The following CCDC83 variants were observed in gnomAD, a reference collection of about 807,000 sequenced individuals.
The protein encoded by CCDC83 is coiled-coil domain containing 83.
A neutral mutation model predicts 50.1 loss-of-function variants in CCDC83; 54 were observed. That is an observed-to-expected ratio of 1.08 (90% CI 0.87 to 1.35). CCDC83 has a LOEUF of 1.35. Among genes scored for constraint, CCDC83 ranks in the 40% most tolerant of loss-of-function variants. CCDC83 has a pLI of 0.00. For synonymous variants in CCDC83, 161 were observed against 153.3 expected, an observed-to-expected ratio of 1.05 and a Z score of -0.37; for missense variants, 518 against 473.9, an observed-to-expected ratio of 1.09 and a Z score of -0.86.
At chr11:85,859,190 A>G (rs2093161150) in intron 1 of CCDC83, among the ~76,000 whole-genome samples, 1 of 149,720 alleles carries the variant, frequency 6.7e-6, no homozygotes, top group African/African-American at 2.5e-5. Flanking sequence ...ACCCCTAGGA[A>G]TACAGCTTAC....
At chr11:85,856,837 T>G (rs997265242) in intron 1 of CCDC83, among the ~76,000 whole-genome samples, 1 of 152,248 alleles carries the variant, frequency 6.6e-6, no homozygotes, top group Non-Finnish European at 1.5e-5. Flanking sequence ...CGGTCTCAAT[T>G]TTTAAAATTA....
At position 85,911,405 on chromosome 11, in the gene CCDC83, G is replaced by T. The variant is rs1385582160; in HGVS notation, c.794+3G>T. ...CTTGTGGATCTCAAGATACCCAGGT[G>T]AAAATTGTTAATATATAGAGAGTAT... On this transcript the variant is annotated splice_donor_region_variant and intron_variant, in intron 8 of 10. Transcript: ENST00000342404. 6.3e-7 allele frequency: 1 copy of T among 1,581,128 alleles called. No individual in the cohort carries two copies. Among genetic ancestry groups the T allele is most frequent in the African/African-American group, 1.4e-5 (1 of 73,288 alleles).
At chr11:85,875,008 A>C (rs1223892836) in intron 3 of CCDC83, among the ~76,000 whole-genome samples, 1 of 152,174 alleles carries the variant, frequency 6.6e-6, no homozygotes, top group Non-Finnish European at 1.5e-5. Context: ...AGACATGCGA[A>C]GAGTGAGCAA....
chr11:85,899,934 A>G (rs1033936971), intron 7 of CCDC83, among the ~76,000 whole-genome samples: 1 of 152,240 alleles, frequency 6.6e-6, no homozygotes. Context: ...AATTATAAAA[A>G]TACAAAAAGA....
At chr11:85,901,417 A>G (rs1473903175) in intron 7 of CCDC83, among the ~76,000 whole-genome samples, 1 of 151,906 alleles carries the variant, frequency 6.6e-6, no homozygotes, top group Non-Finnish European at 1.5e-5. Context: ...TACAAAAAAT[A>G]GAAAAGTTAA....
chr11:85,896,490 A>G (rs113451646), intron 6 of CCDC83, among the ~76,000 whole-genome samples: 28 of 151,986 alleles, frequency 1.8e-4, no homozygotes, highest in Admixed American at 1.6e-3. Flanking sequence ...GCTTAAAGGA[A>G]ATGTTCTTTG....
chr11:85,891,196 A>C (rs1235533981), intron 5 of CCDC83, among the ~76,000 whole-genome samples: 1 of 152,096 alleles, frequency 6.6e-6, no homozygotes, highest in Non-Finnish European at 1.5e-5. Context: ...GCCCATTTCT[A>C]AAGACATCTG....
chr11:85,892,406 A>G (rs1250969981), intron 5 of CCDC83, among the ~76,000 whole-genome samples: 1 of 152,312 alleles, frequency 6.6e-6, no homozygotes, highest in African/African-American at 2.4e-5. Context: ...GAGGCTAACA[A>G]TGAGATTCTC....
At chr11:85,875,072 G>T (rs2093261302) in intron 3 of CCDC83, among the ~76,000 whole-genome samples, 1 of 152,194 alleles carries the variant, frequency 6.6e-6, no homozygotes, top group African/African-American at 2.4e-5. Flanking sequence ...GGGGATGCAG[G>T]GGTGGTCCCC....
chr11:85,856,184 C>CA (rs370054964), intron 1 of CCDC83, among the ~76,000 whole-genome samples: 5,648 of 94,510 alleles, frequency 0.06, 138 homozygotes, highest in Non-Finnish European at 0.065. Context: ...CTATCTAAGC[C>CA]AAAAAAAAAA....
At chr11:85,882,124 C>T (rs963812081) in intron 3 of CCDC83, among the ~76,000 whole-genome samples, 2 of 147,726 alleles carry the variant, frequency 1.4e-5, no homozygotes, top group African/African-American at 4.9e-5. Flanking sequence ...GACCTCATCT[C>T]TAAAAAAACA....
chr11:85,913,648 G>A lies in CCDC83; in HGVS notation c.795-1771G>A, dbSNP rs530962991. ...TTTGGATGAGGAATGGGATATTGTG[G>A]TTAATAGAGTTACCACATTTCCTAT... On this transcript the variant is annotated intron_variant, in intron 8 of 10. Transcript: ENST00000342404. Among the ~76,000 whole-genome samples the A allele has an allele frequency of 5.3e-5, 8 of 152,286 alleles. No individual in the cohort carries two copies. In the East Asian group the frequency reaches 1.3e-3, roughly 26 times the overall value.
At position 85,918,219 on chromosome 11, in the gene CCDC83, T is replaced by C. The variant is rs3824955; in HGVS notation, c.1081-1130T>C. Among the ~76,000 whole-genome samples the C allele has an allele frequency of 4.2e-3, 637 of 152,256 alleles. 4 individuals carry two copies. Among genetic ancestry groups the C allele is most frequent in the South Asian group, 0.013 (62 of 4,828 alleles). On this transcript the variant is annotated intron_variant, in intron 10 of 10. Coordinates refer to ENST00000342404, the MANE Select transcript of CCDC83 (RefSeq NM_001286159.2). ...AGGGAGAGAACAGCAAGAAATGAAA[T>C]CTCAAATATGCCTATACAGCAGGCC...
intron 8 of CCDC83, among the ~76,000 whole-genome samples, chr11:85,914,196 C>T (rs1304290644): frequency 1.3e-5 from 2 of 152,128 alleles, no homozygotes; most frequent in African/African-American, 2.4e-5. Flanking sequence ...ATCTGGATAA[C>T]ACTTTATTCA....
rs749532676 is a variant in CCDC83, at chr11:85,882,597, G to A, written c.265G>A (p.Val89Ile). 8.1e-6 allele frequency: 13 copies of A among 1,613,870 alleles called. No homozygotes were observed. Among genetic ancestry groups the A allele is most frequent in the South Asian group, 2.2e-5 (2 of 91,076 alleles). ...LSEEKAEGLP[V>I]VTREDVEEAM... ...TGAAGAGAAGGCAGAGGGATTGCCA[G>A]TTGTAACAAGAGAGGATGTTGAAGA... Residue 89 changes from valine to isoleucine, a missense_variant, in exon 4 of 11, where the codon GTT becomes ATT. Val to Ile is a conservative substitution (Grantham distance 29, BLOSUM62 3). Coordinates refer to ENST00000342404, the MANE Select transcript of CCDC83 (RefSeq NM_001286159.2).
At chr11:85,909,780 T>C (rs17148585) in intron 7 of CCDC83, among the ~76,000 whole-genome samples, 54,064 of 151,540 alleles carry the variant, frequency 0.36, 10,482 homozygotes, top group African/African-American at 0.48. Context: ...CAGATGAGAA[T>C]TCTACCAACA....
intron 6 of CCDC83, among the ~76,000 whole-genome samples, chr11:85,898,030 C>T (rs78563874): frequency 0.22 from 32,665 of 151,628 alleles, 3,860 homozygotes; most frequent in Middle Eastern, 0.27. Flanking sequence ...CAGTGGTGGG[C>T]GCCTGTAATC....
intron 5 of CCDC83, among the ~76,000 whole-genome samples, chr11:85,887,576 C>G (rs2093333001): frequency 6.6e-6 from 1 of 152,080 alleles, no homozygotes; most frequent in Admixed American, 6.6e-5. Context: ...AACAAGAGTG[C>G]CAGCCTGCTA....
intron 1 of CCDC83, among the ~76,000 whole-genome samples, chr11:85,863,256 C>T (rs2093188198): frequency 6.6e-6 from 1 of 152,114 alleles, no homozygotes; most frequent in African/African-American, 2.4e-5. Context: ...GTGCAACAGC[C>T]AAGTTTAAAA....
Sources: gnomAD v4.1 joint callset for allele counts (sites outside exome capture counted in the v4.1 genomes callset) on GRCh38, gnomAD v4.1.1 for gene constraint, MANE v1.5 for transcripts, NCBI Gene and HGNC (gene_info 2026-07-23, HGNC 2026-07-21) for gene names.